Variants in IRAK1BP1 observed in about 807,000 individuals in gnomAD.
The protein encoded by IRAK1BP1 is interleukin-1 receptor-associated kinase 1-binding protein 1.
IRAK1BP1 carries 24 observed loss-of-function variants against 28.0 expected under a neutral mutation model. The ratio of observed to expected loss-of-function variants is 0.86; its 90% CI spans 0.62 to 1.20. The LOEUF is 1.20. Among genes scored for constraint, IRAK1BP1 ranks in the 50% most tolerant of loss-of-function variants. The pLI is 0.00. For missense variants in IRAK1BP1, 336 were observed against 316.7 expected (o/e 1.06, Z -0.46); for synonymous variants, 131 against 116.3 (o/e 1.13, Z -0.81).
At chr6:78,886,452 A>G (rs754168955) in intron 2 of IRAK1BP1, among the ~76,000 whole-genome samples, 80 of 152,322 alleles carry the variant, frequency 5.3e-4, no homozygotes, top group Non-Finnish European at 9.9e-4. Context: ...CCACTTGGCA[A>G]AACTTATTTC....
In IRAK1BP1 at chr6:78,916,658, C is replaced by T. The variant is rs185452832; in HGVS notation, c.*67+13548C>T. 3.2e-3 allele frequency among the ~76,000 whole-genome samples: 486 copies of T among 152,118 alleles called. 4 individuals are homozygous for T. Among genetic ancestry groups the T allele is most frequent in the African/African-American group, 0.011 (453 of 41,476 alleles). On this transcript the variant is annotated intron_variant and NMD_transcript_variant, in intron 4 of 4. Transcript: ENST00000606868. ...TCAATGAGTTTGGCACTTGAACATACGTAGTTTGCCAAGACAGCTAATATA... is the reference window on the plus strand; with the variant it reads ...TCAATGAGTTTGGCACTTGAACATATGTAGTTTGCCAAGACAGCTAATATA...
At chr6:78,918,578 TA>T (rs58669467) in intron 4 of IRAK1BP1, among the ~76,000 whole-genome samples, 857 of 66,788 alleles carry the variant, frequency 0.013, 11 homozygotes, top group African/African-American at 0.046. Context: ...CCAAAAACAG[TA>T]AAAAAAAAAA....
At chr6:78,919,752 T>G (rs1331412053) in intron 4 of IRAK1BP1, among the ~76,000 whole-genome samples, 1 of 152,124 alleles carries the variant, frequency 6.6e-6, no homozygotes, top group African/African-American at 2.4e-5. Flanking sequence ...AGCCAAATTC[T>G]ACCTGATGTA....
intron 4 of IRAK1BP1, among the ~76,000 whole-genome samples, chr6:78,918,578 T>TAAAAAAAAAAAAAAAAAAAA (rs58669467): frequency 1.6e-4 from 11 of 66,772 alleles, no homozygotes; most frequent in Non-Finnish European, 2.6e-4. Flanking sequence ...CCAAAAACAG[T>TAAAAAAAAAAAAAAAAAAAA]AAAAAAAAAA....
chr6:78,877,690 G>A (rs577637501), intron 1 of IRAK1BP1, among the ~76,000 whole-genome samples: 1 of 152,310 alleles, frequency 6.6e-6, no homozygotes, highest in East Asian at 1.9e-4. Flanking sequence ...AGCAGGGCGA[G>A]GCATCACCTT....
intron 4 of IRAK1BP1, among the ~76,000 whole-genome samples, chr6:78,919,428 A>G (rs944906474): frequency 2.6e-5 from 4 of 152,228 alleles, no homozygotes; most frequent in Non-Finnish European, 2.9e-5. Flanking sequence ...AGGATAAACA[A>G]GATGGATAGA....
At chr6:78,966,043 C>A in the IRAK1BP1 span, 2 of 1,612,142 alleles carry the variant, frequency 1.2e-6, no homozygotes, top group Non-Finnish European at 1.7e-6. Flanking sequence ...CTATGACAGA[C>A]CTGAAGCGGT....
intron 4 of IRAK1BP1, among the ~76,000 whole-genome samples, chr6:78,918,211 T>C (rs893079286): frequency 1.3e-5 from 2 of 152,066 alleles, no homozygotes; most frequent in Non-Finnish European, 2.9e-5. Context: ...GTAGAAGGAT[T>C]GCATGAGCCT....
chr6:78,942,860 G>T (rs1339698618), intron 4 of IRAK1BP1, among the ~76,000 whole-genome samples: 2 of 152,090 alleles, frequency 1.3e-5, no homozygotes, highest in Non-Finnish European at 2.9e-5. Flanking sequence ...GGGACTATAG[G>T]ACTCATCAAC....
At chr6:78,963,140 T>G in the IRAK1BP1 span, 2 of 1,609,322 alleles carry the variant, frequency 1.2e-6, no homozygotes, top group African/African-American at 1.3e-5. Flanking sequence ...TTCTTTCACA[T>G]TCTTCATCCC....
In IRAK1BP1 at chr6:78,893,958, CATATGTAAAAATAAATT is replaced by C. The variant is rs1771789413; in HGVS notation, c.382-3866_382-3850del. Among the ~76,000 whole-genome samples the C allele has an allele frequency of 3.9e-5, 6 of 152,108 alleles. No individual in the cohort carries two copies. In the South Asian group the frequency reaches 1.2e-3, roughly 32 times the overall value. On this transcript the variant is annotated intron_variant, in intron 2 of 3. Transcript: ENST00000369940. ...TAATGATGAACTACAGGGATTATAA[CATATGTAAAAATAAATT>C]ATATAACAACAATAGCACAAAGGTC...
At chr6:78,932,041 A>G (rs1370264508) in intron 4 of IRAK1BP1, among the ~76,000 whole-genome samples, 2 of 152,188 alleles carry the variant, frequency 1.3e-5, no homozygotes, top group Non-Finnish European at 2.9e-5. Context: ...ATCTTCACCA[A>G]AAGTAGATTT....
At chr6:78,935,867 T>C (rs887318408) in intron 4 of IRAK1BP1, 42 of 437,586 alleles carry the variant, frequency 9.6e-5, no homozygotes, top group Non-Finnish European at 1.2e-4. Context: ...CTCTACAAAA[T>C]AGCTTAGAAA....
At chr6:78,945,845 T>C (rs1376988960) in exon 5 of IRAK1BP1, 15 of 641,644 alleles carry the variant, frequency 2.3e-5, no homozygotes, top group Non-Finnish European at 3.2e-5. Flanking sequence ...ATTCTTCTTA[T>C]TAAAAACTTT....
At chr6:78,951,402 G>C (rs555115739), downstream of IRAK1BP1, among the ~76,000 whole-genome samples, 60 of 152,064 alleles carry the variant, frequency 3.9e-4, no homozygotes, top group Non-Finnish European at 7.7e-4. Context: ...ATCTTGCTTT[G>C]AATATTTGAT....
intron 2 of IRAK1BP1, among the ~76,000 whole-genome samples, chr6:78,896,856 A>G (rs1743341505): frequency 6.6e-6 from 1 of 151,420 alleles, no homozygotes; most frequent in South Asian, 2.1e-4. Context: ...TTAAAGACAG[A>G]TGTTCTGCAT....
chr6:78,870,792 A>G (rs1389352808), intron 1 of IRAK1BP1, among the ~76,000 whole-genome samples: 1 of 151,838 alleles, frequency 6.6e-6, no homozygotes, highest in Non-Finnish European at 1.5e-5. Flanking sequence ...GCTCACTGCA[A>G]CCTCCGCCTC....
downstream of IRAK1BP1, chr6:78,946,783 T>C (rs2127682824): frequency 3.8e-6 from 6 of 1,594,212 alleles, no homozygotes; most frequent in Non-Finnish European, 5.1e-6. Flanking sequence ...GGTATTTCTT[T>C]TATGAAAACG....
At chr6:78,959,915 C>T in the IRAK1BP1 span, among the ~76,000 whole-genome samples, 1 of 152,068 alleles carries the variant, frequency 6.6e-6, no homozygotes, top group Admixed American at 6.6e-5. Context: ...CTCAGCCAAG[C>T]CTACCTCAAA....
Sources: gnomAD v4.1 joint callset for allele counts (sites outside exome capture counted in the v4.1 genomes callset) on GRCh38, gnomAD v4.1.1 for gene constraint, MANE v1.5 for transcripts, NCBI Gene and HGNC (gene_info 2026-07-23, HGNC 2026-07-21) for gene names.